MYO5B: variants seen among roughly 807,000 people sequenced by gnomAD.
MYO5B encodes the protein unconventional myosin-Vb.
A neutral mutation model predicts 229.3 loss-of-function variants in MYO5B; 143 were observed. That is an observed-to-expected ratio of 0.62 (90% confidence interval 0.54 to 0.72). The LOEUF is 0.72. Among genes scored for constraint, MYO5B ranks in the 30% least tolerant of loss-of-function variants. The pLI is 0.00. For synonymous variants in MYO5B, 918 were observed against 885.2 expected, an observed-to-expected ratio of 1.04 and a Z score of -0.66; for missense variants, 2,321 against 2,331.0, an observed-to-expected ratio of 1.00 and a Z score of 0.09.
At chr18:50,161,273 A>G (rs964800947) in intron 1 of MYO5B, among the ~76,000 whole-genome samples, 1 of 152,134 alleles carries the variant, frequency 6.6e-6, no homozygotes, top group Admixed American at 6.6e-5. Context: ...AATCCCAGCT[A>G]CTCAGGAGGC....
chr18:50,078,083 A>C lies in MYO5B; in HGVS notation c.28-22705T>G, dbSNP rs541956437. ...TACTGGAATCCTAGGGAAAGCGGGA[A>C]TATTCCCTTTACCCTAAGTGAATCC... On this transcript the variant is annotated intron_variant, in intron 1 of 39. Coordinates refer to ENST00000285039, the MANE Select transcript of MYO5B (RefSeq NM_001080467.3). 2.6e-4 allele frequency among the ~76,000 whole-genome samples: 39 copies of C among 152,376 alleles called. No individual in the cohort carries two copies. The South Asian group carries it at 5.4e-3, about 21-fold the overall frequency.
intron 1 of MYO5B, among the ~76,000 whole-genome samples, chr18:50,142,169 G>A (rs112714238): frequency 5.8e-4 from 89 of 152,328 alleles, no homozygotes; most frequent in African/African-American, 1.9e-3. Context: ...CACACAAGGT[G>A]TCTGCTTTTG....
At chr18:50,005,275 C>T (rs1299821299) in intron 4 of MYO5B, among the ~76,000 whole-genome samples, 1 of 152,200 alleles carries the variant, frequency 6.6e-6, no homozygotes, top group Non-Finnish European at 1.5e-5. Flanking sequence ...GTGAAAAGGA[C>T]ACTGGGGTTG....
chr18:49,990,353 C>G (rs562328834), intron 7 of MYO5B, 86 bp downstream of exon 7: 1 of 1,142,428 alleles, frequency 8.8e-7, no homozygotes, highest in Non-Finnish European at 1.3e-6. Context: ...GAACCCATGA[C>G]GGAGGGCTTT....
chr18:50,069,794 C>T lies in MYO5B; in HGVS notation c.28-14416G>A, dbSNP rs529004926. 1.2e-4 allele frequency among the ~76,000 whole-genome samples: 18 copies of T among 152,248 alleles called. No individual in the cohort carries two copies. The East Asian group carries it at 3.5e-3, about 29-fold the overall frequency. On this transcript the variant is annotated intron_variant, in intron 1 of 39. Transcript: ENST00000285039. ...AACCCAGAAATAGACCTTGACTCCCCAGCCAGTGCTCTTTCTACTTCTCCA... is the reference window on the plus strand; with the variant it reads ...AACCCAGAAATAGACCTTGACTCCCTAGCCAGTGCTCTTTCTACTTCTCCA...
intron 2 of MYO5B, among the ~76,000 whole-genome samples, chr18:50,052,108 G>T (rs953458108): frequency 6.6e-6 from 1 of 152,166 alleles, no homozygotes; most frequent in African/African-American, 2.4e-5. Flanking sequence ...CTGCTGGTGG[G>T]ACTGTAAACT....
chr18:50,128,533 G>A (rs767696565), intron 1 of MYO5B, among the ~76,000 whole-genome samples: 3 of 152,202 alleles, frequency 2.0e-5, no homozygotes, highest in African/African-American at 4.8e-5. Context: ...GGTAGGAGAA[G>A]ACATGTGGGG....
chr18:49,920,755 C>A (rs4939917), intron 17 of MYO5B, among the ~76,000 whole-genome samples: 2 of 152,224 alleles, frequency 1.3e-5, no homozygotes, highest in African/African-American at 4.8e-5. Flanking sequence ...TTTTAAATCA[C>A]CTGGGGAAAC....
At chr18:49,839,872 T>A (rs564648367) in intron 35 of MYO5B, 80 of 164,410 alleles carry the variant, frequency 4.9e-4, no homozygotes, top group African/African-American at 1.8e-3. Context: ...TCAGAAGGGC[T>A]CATGTGACCA....
intron 31 of MYO5B, among the ~76,000 whole-genome samples, chr18:49,851,489 G>A (rs2144057050): frequency 6.6e-6 from 1 of 152,342 alleles, no homozygotes; most frequent in South Asian, 2.1e-4. Context: ...GGAACATAGT[G>A]CTGGCCACAG....
At chr18:49,877,659 G>T (rs2024541699) in intron 25 of MYO5B, 104 bp downstream of exon 25, 1 of 1,516,670 alleles carries the variant, frequency 6.6e-7, no homozygotes, top group Non-Finnish European at 9.1e-7. Context: ...GGGCACTCTG[G>T]TCACCATCAG....
intron 1 of MYO5B, among the ~76,000 whole-genome samples, chr18:50,073,698 G>C (rs944860849): frequency 6.6e-6 from 1 of 152,014 alleles, no homozygotes; most frequent in Non-Finnish European, 1.5e-5. Flanking sequence ...TATGTAGATT[G>C]AAAGTTTTAA....
At chr18:50,149,745 T>G (rs2144300957) in intron 1 of MYO5B, among the ~76,000 whole-genome samples, 1 of 152,244 alleles carries the variant, frequency 6.6e-6, no homozygotes, top group East Asian at 1.9e-4. Context: ...GAAGAAAACC[T>G]AGGCATTACC....
intron 1 of MYO5B, among the ~76,000 whole-genome samples, chr18:50,084,026 T>A (rs906778007): frequency 6.6e-6 from 1 of 152,192 alleles, no homozygotes; most frequent in African/African-American, 2.4e-5. Flanking sequence ...TCCCTGTGCC[T>A]CAGTTTATCA....
chr18:49,971,981 G>C (rs942896778), intron 10 of MYO5B, among the ~76,000 whole-genome samples: 4 of 152,166 alleles, frequency 2.6e-5, no homozygotes, highest in Admixed American at 6.5e-5. Flanking sequence ...AAAGCACAAA[G>C]GGTAGGAAAA....
chr18:50,091,700 T>C (rs955109193), intron 1 of MYO5B, among the ~76,000 whole-genome samples: 1 of 152,192 alleles, frequency 6.6e-6, no homozygotes, highest in Non-Finnish European at 1.5e-5. Context: ...CTGAGCCACC[T>C]GACACCACCA....
At position 49,853,397 on chromosome 18, in the gene MYO5B, C is replaced by T. The variant is rs1011300319; in HGVS notation, c.4221+52G>A. 8.7e-6 allele frequency: 14 copies of T among 1,601,996 alleles called. No homozygotes were observed. The East Asian group carries it at 3.1e-4, about 36-fold the overall frequency. Reference sequence around the variant, plus strand: ...CCAAAGGCAACCCCGATCCCATTTGCTTCTAGAACGTGACTTCCCAAAGCT... The same window carrying T: ...CCAAAGGCAACCCCGATCCCATTTGTTTCTAGAACGTGACTTCCCAAAGCT... On this transcript the variant is annotated intron_variant, in intron 31 of 39. Transcript: ENST00000285039.
At chr18:50,056,054 C>G (rs567670311) in intron 1 of MYO5B, among the ~76,000 whole-genome samples, 1 of 152,298 alleles carries the variant, frequency 6.6e-6, no homozygotes. Context: ...GGATGACAGA[C>G]AGGAACCACT....
chr18:50,015,544 T>C (rs8083630), intron 4 of MYO5B, among the ~76,000 whole-genome samples: 2,449 of 152,320 alleles, frequency 0.016, 57 homozygotes, highest in African/African-American at 0.051. Flanking sequence ...TCTTTAGTAT[T>C]TCATTAGTGT....
Sources: allele counts gnomAD v4.1 joint callset (sites outside exome capture counted in the v4.1 genomes callset), GRCh38; gene constraint gnomAD v4.1.1; transcripts MANE v1.5; gene names NCBI Gene and HGNC (gene_info 2026-07-23, HGNC 2026-07-21).